The following A1CF variants were observed in gnomAD, a reference collection of about 807,000 sequenced individuals.
A1CF encodes APOBEC-1 stimulating protein.
A neutral mutation model predicts 68.9 loss-of-function variants in A1CF; 48 were observed. The observed-to-expected ratio is 0.70, with a 90% confidence interval of 0.55 to 0.89. The LOEUF (loss-of-function observed/expected upper bound fraction) is 0.89, where lower values mean the gene tolerates loss of function less well. Ranked by LOEUF, A1CF falls within the 40% of genes least tolerant of loss-of-function variation. The pLI is 0.00. For missense variants in A1CF, 653 were observed against 718.9 expected, an observed-to-expected ratio of 0.91 and a Z score of 1.05; for synonymous variants, 272 against 260.4, an observed-to-expected ratio of 1.04 and a Z score of -0.43.
rs933306366 is a variant in A1CF at position 50,884,612 on chromosome 10, G to A, written c.-94+969C>T. On this transcript the variant is annotated intron_variant, in intron 1 of 12. Coordinates refer to ENST00000373997, the MANE Select transcript of A1CF (RefSeq NM_014576.4). ...ACTAGAGCTGAATTTGCCAAAATAC[G>A]ATCTATAAAACACTAATCCTGCACA... Among the ~76,000 whole-genome samples the A allele has an allele frequency of 4.6e-5, 7 of 152,172 alleles. No homozygotes were observed. In the South Asian group the frequency reaches 8.3e-4, roughly 18 times the overall value.
Position 50,801,027 on chromosome 10 carries a change from TC to T in A1CF, c.*5701del, listed in dbSNP as rs1837579638. 2.0e-5 allele frequency: 3 copies of T among 152,214 alleles called. No homozygotes were observed. In the South Asian group the frequency reaches 6.2e-4, roughly 32 times the overall value. The allele number at this position is 152,214 out of a possible 1,614,324, so 9.4% of individuals were successfully genotyped here. Reference sequence around the variant, plus strand: ...ATACCCTACTAGTGCCCTGTGGATCTCTACAGACCAAGCAAGTGTCCCCAAG... The same window carrying T: ...ATACCCTACTAGTGCCCTGTGGATCTTACAGACCAAGCAAGTGTCCCCAAG... On this transcript the variant is annotated 3_prime_UTR_variant, in exon 13 of 13. Coordinates refer to ENST00000373997, the MANE Select transcript of A1CF (RefSeq NM_014576.4).
rs572713240 is a variant in A1CF, at chr10:50,799,561, A to T, written c.*7168T>A. 1.8e-4 allele frequency: 28 copies of T among 152,222 alleles called. No individual in the cohort carries two copies. Among genetic ancestry groups the T allele is most frequent in the African/African-American group, 6.3e-4 (26 of 41,574 alleles). 9.4% of individuals were successfully genotyped at this position (152,222 alleles called of 1,614,324 possible). On this transcript the variant is annotated 3_prime_UTR_variant, in exon 13 of 13. Transcript: ENST00000373997. ...GTTAATATCTTCCAAACCAAAGATT[A>T]TTTTCCCAACAAGTGAATGGTGTAA...
At chr10:50,874,597 G>A (rs1007497555) in intron 1 of A1CF, among the ~76,000 whole-genome samples, 5 of 152,068 alleles carry the variant, frequency 3.3e-5, no homozygotes, top group South Asian at 4.1e-4. Flanking sequence ...AATAATATTC[G>A]CTCCATTAAA....
In A1CF at chr10:50,819,566, G is replaced by A. The variant is rs151140916; in HGVS notation, c.867+986C>T. ...TTTTTGATTTCCCTAGTCCCCACTC[G>A]CACTTTTGTAATTAATTCCTTTGCT... On this transcript the variant is annotated intron_variant, in intron 8 of 12. Transcript: ENST00000373997. 7.2e-3 allele frequency among the ~76,000 whole-genome samples: 1,093 copies of A among 152,100 alleles called. 8 individuals are homozygous for A. The highest frequency in any genetic ancestry group is 0.019 in the African/African-American group (797 of 41,494).
At chr10:50,818,313 CA>C (rs1838468253) in intron 8 of A1CF, among the ~76,000 whole-genome samples, 1 of 152,080 alleles carries the variant, frequency 6.6e-6, no homozygotes, top group Non-Finnish European at 1.5e-5. Context: ...CTTCATCTAA[CA>C]AATTAAATAT....
chr10:50,865,246 G>T (rs1168062631), intron 1 of A1CF, among the ~76,000 whole-genome samples: 2 of 152,018 alleles, frequency 1.3e-5, no homozygotes, highest in Admixed American at 1.3e-4. Flanking sequence ...GTGACAGAAT[G>T]AGACCCTGTC....
At chr10:50,868,733 G>A (rs1248113995) in intron 1 of A1CF, among the ~76,000 whole-genome samples, 1 of 152,188 alleles carries the variant, frequency 6.6e-6, no homozygotes, top group Non-Finnish European at 1.5e-5. Context: ...ATTTTCCTCT[G>A]TAGTAGGTTT....
intron 6 of A1CF, 107 bp from the exon 7 acceptor site, chr10:50,828,402 A>C: frequency 2.4e-6 from 2 of 843,780 alleles, no homozygotes; most frequent in Non-Finnish European, 3.5e-6. Context: ...GAGGTCTTGA[A>C]TGAGCAAGAA....
At chr10:50,867,274 T>C (rs562468175) in intron 1 of A1CF, among the ~76,000 whole-genome samples, 1 of 152,186 alleles carries the variant, frequency 6.6e-6, no homozygotes, top group South Asian at 2.1e-4. Flanking sequence ...TCAACCTAAG[T>C]ATCCATCAAC....
intron 1 of A1CF, among the ~76,000 whole-genome samples, chr10:50,872,093 A>G (rs1474989315): frequency 6.6e-6 from 1 of 152,036 alleles, no homozygotes; most frequent in Non-Finnish European, 1.5e-5. Flanking sequence ...AAGGAAATGA[A>G]CTGTCAATTT....
At chr10:50,870,100 TAAA>T (rs1356246160) in intron 1 of A1CF, among the ~76,000 whole-genome samples, 1 of 151,906 alleles carries the variant, frequency 6.6e-6, no homozygotes, top group Non-Finnish European at 1.5e-5. Context: ...TTGTAAAGCT[TAAA>T]GAAGTATAAT....
At chr10:50,810,447 C>T (rs1838050300) in intron 11 of A1CF, among the ~76,000 whole-genome samples, 1 of 152,176 alleles carries the variant, frequency 6.6e-6, no homozygotes, top group South Asian at 2.1e-4. Flanking sequence ...GTTTCATATG[C>T]TTCAACCTAA....
At position 50,806,834 on chromosome 10, in the gene A1CF, G is replaced by C. The variant is rs34190540; in HGVS notation, c.1656C>G (p.Leu552=). The C allele has an allele frequency of 0.015, 24,259 of 1,613,346 alleles. 1,287 individuals carry two copies. In the Admixed American group the frequency reaches 0.16, roughly 10 times the overall value. ...CTTGTCCAAGGGTTACCGCTTGCTT[G>C]AGCTGGGCTGCAGACACGGGTGCAG... ...NATAPVSAAQ[L]KQAVTLGQDL... is the part of the protein sequence containing the mutation. The change falls in exon 13 of 13, where the codon CTC becomes CTG. Residue 552 remains leucine (L), a synonymous_variant. Coordinates refer to ENST00000373997, the MANE Select transcript of A1CF (RefSeq NM_014576.4).
intron 1 of A1CF, among the ~76,000 whole-genome samples, chr10:50,869,590 T>C (rs1039844804): frequency 2.0e-5 from 3 of 152,122 alleles, no homozygotes; most frequent in East Asian, 3.8e-4. Flanking sequence ...AGTATTGTTA[T>C]GAAAGGTAGG....
chr10:50,812,502 C>G (rs1261965189), intron 10 of A1CF, among the ~76,000 whole-genome samples: 2 of 152,168 alleles, frequency 1.3e-5, no homozygotes, highest in Non-Finnish European at 2.9e-5. Flanking sequence ...ATGAAGAGAT[C>G]TCTTTTCATA....
chr10:50,860,166 G>A (rs1163470953), intron 2 of A1CF, among the ~76,000 whole-genome samples, 181 bp from the exon 3 acceptor site: 5 of 151,916 alleles, frequency 3.3e-5, no homozygotes, highest in Admixed American at 2.0e-4. Context: ...TTTTAAAAAT[G>A]CACAATATTG....
At chr10:50,877,821 C>T (rs1589052319) in intron 1 of A1CF, among the ~76,000 whole-genome samples, 1 of 152,166 alleles carries the variant, frequency 6.6e-6, no homozygotes, top group Non-Finnish European at 1.5e-5. Context: ...GTGTCTCTGT[C>T]TTAGAAAAAA....
chr10:50,851,880 T>C (rs1043739653), intron 3 of A1CF, among the ~76,000 whole-genome samples: 96 of 152,336 alleles, frequency 6.3e-4, no homozygotes, highest in African/African-American at 2.2e-3. Flanking sequence ...CTATACAAAT[T>C]CATGATTGCA....
intron 11 of A1CF, among the ~76,000 whole-genome samples, chr10:50,810,512 C>G (rs1408783644): frequency 6.6e-6 from 1 of 152,134 alleles, no homozygotes; most frequent in Non-Finnish European, 1.5e-5. Context: ...AATGGAGTCT[C>G]ACTCTATTGC....
Sources: allele counts gnomAD v4.1 joint callset (sites outside exome capture counted in the v4.1 genomes callset), GRCh38; gene constraint gnomAD v4.1.1; transcripts MANE v1.5; gene names NCBI Gene and HGNC (gene_info 2026-07-23, HGNC 2026-07-21).